The following HTR1F variants were observed in gnomAD, a reference collection of about 807,000 sequenced individuals.
The protein encoded by HTR1F is 5-hydroxytryptamine (serotonin) receptor 1F, G protein-coupled.
A neutral mutation model predicts 24.0 loss-of-function variants in HTR1F; 17 were observed. The ratio of observed to expected loss-of-function variants is 0.71; its 90% CI spans 0.48 to 1.06. The LOEUF is 1.06. Among genes scored for constraint, HTR1F ranks in the 50% least tolerant of loss-of-function variants. The probability of loss-of-function intolerance (pLI) is 0.00; values close to 1 mark genes in which losing one functional copy is unlikely to be tolerated. For synonymous variants in HTR1F, 186 were observed against 156.8 expected, an observed-to-expected ratio of 1.19 and a Z score of -1.39; for missense variants, 391 against 427.8, an observed-to-expected ratio of 0.91 and a Z score of 0.76.
intron 2 of HTR1F, among the ~76,000 whole-genome samples, chr3:87,914,928 T>G (rs1452639764): frequency 6.6e-6 from 1 of 151,948 alleles, no homozygotes; most frequent in African/African-American, 2.4e-5. Context: ...CTAAGAACCC[T>G]CACAGAGTCT....
chr3:87,860,265 A>T (rs1575956088), intron 2 of HTR1F, among the ~76,000 whole-genome samples: 1 of 152,340 alleles, frequency 6.6e-6, no homozygotes, highest in East Asian at 1.9e-4. Flanking sequence ...GATCGGAAGC[A>T]ATAAACATAC....
intron 2 of HTR1F, among the ~76,000 whole-genome samples, chr3:87,841,115 T>C (rs1477967225): frequency 6.6e-6 from 1 of 151,412 alleles, no homozygotes; most frequent in African/African-American, 2.4e-5. Context: ...TTTGAGATCA[T>C]ACATATGCTT....
intron 2 of HTR1F, among the ~76,000 whole-genome samples, chr3:87,948,606 T>A (rs893422723): frequency 2.0e-5 from 3 of 151,902 alleles, no homozygotes; most frequent in African/African-American, 7.3e-5. Context: ...CTCATCAGTC[T>A]CCCAAGTAGC....
intron 2 of HTR1F, among the ~76,000 whole-genome samples, chr3:87,908,227 C>T (rs1454046715): frequency 2.0e-5 from 3 of 151,806 alleles, no homozygotes; most frequent in Admixed American, 6.6e-5. Flanking sequence ...TACAGTGATA[C>T]TTTATGTAGA....
chr3:87,795,457 G>A (rs534585943), intron 1 of HTR1F, among the ~76,000 whole-genome samples: 34 of 152,278 alleles, frequency 2.2e-4, no homozygotes, highest in African/African-American at 7.9e-4. Flanking sequence ...TGGACATAGC[G>A]ATATTTGCAA....
chr3:87,930,332 T>C (rs1307977915), intron 2 of HTR1F, among the ~76,000 whole-genome samples: 1 of 152,126 alleles, frequency 6.6e-6, no homozygotes, highest in East Asian at 1.9e-4. Flanking sequence ...TGAATATGAG[T>C]GGTGAGAGAG....
At chr3:87,814,697 A>G (rs1704219682) in intron 1 of HTR1F, among the ~76,000 whole-genome samples, 1 of 152,162 alleles carries the variant, frequency 6.6e-6, no homozygotes. Flanking sequence ...ATAAACATGA[A>G]TGTATGTGGT....
At position 87,980,368 on chromosome 3, in the gene HTR1F, C is replaced by G. The variant is rs144913848; in HGVS notation, c.-42-10340C>G. On this transcript the variant is annotated intron_variant, in intron 2 of 2. Transcript: ENST00000319595. ...GTGCAGCCCTCAGTGGAGAGGAGAC[C>G]CAGAGTGGGTAGCTCCTATCCATGG... Among the ~76,000 whole-genome samples, 34 of 152,260 alleles carry G rather than the reference C, an allele frequency of 2.2e-4. No individual in the cohort carries two copies. The East Asian group carries it at 5.0e-3, about 23-fold the overall frequency.
intron 1 of HTR1F, among the ~76,000 whole-genome samples, chr3:87,819,205 C>A (rs1187908983): frequency 2.0e-5 from 3 of 152,112 alleles, no homozygotes; most frequent in Non-Finnish European, 4.4e-5. Context: ...GCATTGGATA[C>A]TGCCATGGTT....
intron 1 of HTR1F, among the ~76,000 whole-genome samples, chr3:87,803,069 T>C (rs1347811849): frequency 6.6e-6 from 1 of 152,132 alleles, no homozygotes; most frequent in African/African-American, 2.4e-5. Context: ...GATTGTATGA[T>C]TTGGAGCCTT....
chr3:87,971,263 TA>T (rs1474943375), intron 2 of HTR1F, among the ~76,000 whole-genome samples: 6 of 152,324 alleles, frequency 3.9e-5, no homozygotes, highest in Non-Finnish European at 7.3e-5. Context: ...TTCAGTCTTT[TA>T]TTTTTTTTAA....
chr3:87,936,883 C>T (rs749049277), intron 2 of HTR1F, among the ~76,000 whole-genome samples: 3 of 150,310 alleles, frequency 2.0e-5, no homozygotes, highest in Non-Finnish European at 4.4e-5. Context: ...CTAGAAGAGA[C>T]AAAGAAATTC....
At chr3:87,872,550 A>C (rs1268888650) in intron 2 of HTR1F, among the ~76,000 whole-genome samples, 1 of 152,030 alleles carries the variant, frequency 6.6e-6, no homozygotes, top group Non-Finnish European at 1.5e-5. Context: ...AAAGAGACTA[A>C]GTAACAAAAA....
chr3:87,807,365 T>A (rs116161187), intron 1 of HTR1F, among the ~76,000 whole-genome samples: 1,525 of 152,064 alleles, frequency 0.01, 26 homozygotes, highest in African/African-American at 0.034. Context: ...TTCCTAGGTA[T>A]TTTTTATTTT....
intron 2 of HTR1F, among the ~76,000 whole-genome samples, chr3:87,923,642 T>A (rs1704059339): frequency 6.6e-6 from 1 of 152,052 alleles, no homozygotes; most frequent in Admixed American, 6.6e-5. Flanking sequence ...GAATCATATA[T>A]GATCTTCATT....
In HTR1F at chr3:87,849,168, G is replaced by A. The variant is rs555665671; in HGVS notation, c.-43+27044G>A. Among the ~76,000 whole-genome samples the A allele has an allele frequency of 6.1e-4, 93 of 151,844 alleles. 2 individuals carry two copies. Among genetic ancestry groups the A allele is most frequent in the African/African-American group, 2.1e-3 (86 of 41,182 alleles). On this transcript the variant is annotated intron_variant, in intron 2 of 2. Transcript: ENST00000319595. ...TTGCCAAGTCAATCCAAAGCCAAAA[G>A]AACAAAGCTGGAGGCATCACACTAC...
chr3:87,847,683 T>A (rs1704976115), intron 2 of HTR1F, among the ~76,000 whole-genome samples: 1 of 151,858 alleles, frequency 6.6e-6, no homozygotes, highest in Non-Finnish European at 1.5e-5. Flanking sequence ...CCTCTCTTTA[T>A]TCTCCTCTTG....
intron 2 of HTR1F, among the ~76,000 whole-genome samples, chr3:87,917,308 A>G (rs1253323538): frequency 6.6e-6 from 1 of 151,746 alleles, no homozygotes; most frequent in Non-Finnish European, 1.5e-5. Flanking sequence ...AAATAGAGAA[A>G]CAAGAACAAA....
At chr3:87,961,695 A>C (rs1705064065) in intron 2 of HTR1F, among the ~76,000 whole-genome samples, 1 of 152,020 alleles carries the variant, frequency 6.6e-6, no homozygotes, top group Non-Finnish European at 1.5e-5. Flanking sequence ...CCAGCGAGAC[A>C]ACTTCACTGT....
Sources: allele counts gnomAD v4.1 joint callset (sites outside exome capture counted in the v4.1 genomes callset), GRCh38; gene constraint gnomAD v4.1.1; transcripts MANE v1.5; gene names NCBI Gene and HGNC (gene_info 2026-07-23, HGNC 2026-07-21).